Variants in UVSSA observed in about 807,000 individuals in gnomAD.
UVSSA encodes UV stimulated scaffold protein A.
UVSSA carries 72 observed loss-of-function variants against 73.9 expected under a neutral mutation model. The observed-to-expected ratio is 0.97, with a 90% CI of 0.81 to 1.19. The LOEUF (loss-of-function observed/expected upper bound fraction) is 1.19, where lower values mean the gene tolerates loss of function less well. Among genes scored for constraint, UVSSA ranks in the 50% most tolerant of loss-of-function variants. The probability of loss-of-function intolerance (pLI) is 0.00; values close to 1 mark genes in which losing one functional copy is unlikely to be tolerated. For synonymous variants in UVSSA, 454 were observed against 391.3 expected (o/e 1.16, Z -1.89); for missense variants, 1,150 against 965.0 (o/e 1.19, Z -2.54).
At chr4:1,365,916 C>T (rs930847454) in intron 7 of UVSSA, among the ~76,000 whole-genome samples, 10 of 152,156 alleles carry the variant, frequency 6.6e-5, no homozygotes, top group African/African-American at 2.2e-4. Flanking sequence ...AGATAACTGC[C>T]CTAAGCCTCG....
In UVSSA at chr4:1,387,860, C is replaced by G. The variant is rs1435216896; in HGVS notation, c.*1899C>G. The G allele has an allele frequency of 6.6e-6, 1 of 151,420 alleles. No individual in the cohort carries two copies. Among genetic ancestry groups the G allele is most frequent in the Non-Finnish European group, 1.5e-5 (1 of 67,926 alleles). 9.4% of individuals were successfully genotyped at this position (151,420 alleles called of 1,614,324 possible). A position where few individuals can be genotyped will look rare whatever the true frequency, so the allele number is the denominator to read the frequency against. On this transcript the variant is annotated 3_prime_UTR_variant, in exon 14 of 14. Transcript: ENST00000389851. ...TGCTGCTTTGTTGTGAGAAGTTTTA[C>G]TTTGTTCTGCTTCAAGGCTGTTTTG... is the stretch of plus-strand genomic sequence containing the variant.
rs544725146 is a variant in UVSSA, at chr4:1,384,083, C to G, written c.2036+143C>G. 97 of 1,111,466 alleles carry G rather than the reference C, an allele frequency of 8.7e-5. No homozygotes were observed. The South Asian group carries it at 1.6e-3, about 18-fold the overall frequency. 68.9% of individuals were successfully genotyped at this position (1,111,466 alleles called of 1,614,324 possible). ...GCTTTGAGTTCCCCTGGGGGACCACCCAGCCTTTCCCCGGGGAGGGGCAGT... is the reference window on the plus strand; with the variant it reads ...GCTTTGAGTTCCCCTGGGGGACCACGCAGCCTTTCCCCGGGGAGGGGCAGT... On this transcript the variant is annotated intron_variant, in intron 13 of 13. Transcript: ENST00000389851.
upstream of UVSSA, among the ~76,000 whole-genome samples, chr4:1,346,607 C>A (rs1459074463): frequency 6.6e-6 from 1 of 152,142 alleles, no homozygotes; most frequent in African/African-American, 2.4e-5. Context: ...CCAGGGATTC[C>A]CTTCCCGAGG....
At chr4:1,390,467 A>G (rs895588485), downstream of UVSSA, 2 of 152,170 alleles carry the variant, frequency 1.3e-5, no homozygotes, top group African/African-American at 4.8e-5. Context: ...ATTTTGTTGT[A>G]GAGACAGGGT....
At chr4:1,370,169 G>C (rs893746452) in intron 8 of UVSSA, among the ~76,000 whole-genome samples, 1 of 151,982 alleles carries the variant, frequency 6.6e-6, no homozygotes, top group Admixed American at 6.5e-5. Flanking sequence ...TAACTCTTAG[G>C]AATTCTCAGA....
intron 5 of UVSSA, chr4:1,354,443 G>T: frequency 2.2e-6 from 1 of 445,210 alleles, no homozygotes; most frequent in Non-Finnish European, 4.2e-6. Context: ...AGTAGAAGAG[G>T]CTGTGGGTGG....
At chr4:1,373,236 T>C (rs1718355309) in intron 8 of UVSSA, among the ~76,000 whole-genome samples, 1 of 152,206 alleles carries the variant, frequency 6.6e-6, no homozygotes, top group Admixed American at 6.5e-5. Flanking sequence ...AGAGGCCATC[T>C]CTAGGCTGAG....
rs536749926 is a variant in UVSSA at position 1,380,197 on chromosome 4, C to T, written c.1719C>T (p.Asp573=). 7.4e-6 allele frequency: 12 copies of T among 1,612,640 alleles called. No homozygotes were observed. The South Asian group carries it at 9.9e-5, about 13-fold the overall frequency. The part of the protein sequence containing the change: ...VQHWCRAPRP[D]GRLCERQDRL... ...ACTGGTGCCGTGCCCCGAGGCCAGA[C>T]GGCCGGCTCTGTGAGCGCCAAGACC... is the stretch of plus-strand genomic sequence containing the variant. Residue 573 remains aspartate (D), a synonymous_variant, in exon 11 of 14, where the codon GAC becomes GAT. Coordinates refer to ENST00000389851, the MANE Select transcript of UVSSA (RefSeq NM_020894.4).
intron 7 of UVSSA, chr4:1,359,418 C>T (rs1358901245): frequency 1.3e-5 from 2 of 152,240 alleles, no homozygotes; most frequent in Non-Finnish European, 2.9e-5. Context: ...CCTCTGGAAA[C>T]TTTCACGTTG....
chr4:1,395,670 C>G, exon 14 of UVSSA: 1 of 1,591,602 alleles, frequency 6.3e-7, no homozygotes, highest in Non-Finnish European at 8.5e-7. Context: ...TGCCTGCTCA[C>G]ACACGTGCCC....
At chr4:1,371,995 T>G (rs537225653) in intron 8 of UVSSA, among the ~76,000 whole-genome samples, 2 of 152,326 alleles carry the variant, frequency 1.3e-5, no homozygotes, top group South Asian at 4.1e-4. Context: ...TCAGCATGGC[T>G]TCTTATGTTT....
chr4:1,378,240 C>T (rs1370645021), intron 10 of UVSSA, among the ~76,000 whole-genome samples: 3 of 152,166 alleles, frequency 2.0e-5, no homozygotes, highest in African/African-American at 7.2e-5. Flanking sequence ...AGAACAAAGC[C>T]GTCCTGGTAC....
At chr4:1,353,946 G>GC (rs955605123) in intron 5 of UVSSA, among the ~76,000 whole-genome samples, 18 of 152,166 alleles carry the variant, frequency 1.2e-4, no homozygotes, top group Non-Finnish European at 1.9e-4. Context: ...AGCCGCCCCC[G>GC]CCCCCCAGCC....
chr4:1,355,070 G>A (rs781612106), intron 6 of UVSSA, 47 bp from the exon 7 acceptor site: 2 of 1,602,778 alleles, frequency 1.2e-6, no homozygotes, highest in Non-Finnish European at 1.7e-6. Flanking sequence ...CAGCTTCCCA[G>A]GTCCTGCCCG....
rs138539017 is a variant in UVSSA, at chr4:1,352,702, G to A, written c.551-328G>A. On this transcript the variant is annotated intron_variant, in intron 4 of 13. Transcript: ENST00000389851. ...CGCGGTGACTCATGCCTGTCATCCC[G>A]GCACTTTGGGAGGCCAGGGCAGGCG... 9.8e-5 allele frequency among the ~76,000 whole-genome samples: 15 copies of A among 152,372 alleles called. No individual in the cohort carries two copies. The East Asian group carries it at 2.5e-3, about 25-fold the overall frequency.
At chr4:1,354,418 C>T (rs769131312) in intron 5 of UVSSA, 19 of 367,670 alleles carry the variant, frequency 5.2e-5, no homozygotes, top group Non-Finnish European at 8.3e-5. Flanking sequence ...CTGTGCCCGG[C>T]GTGTGGGGGC....
exon 14 of UVSSA, chr4:1,395,789 C>CT: frequency 1.2e-6 from 2 of 1,614,194 alleles, no homozygotes; most frequent in Non-Finnish European, 1.7e-6. Flanking sequence ...CTCATGGTGG[C>CT]TTTTTAATAC....
At chr4:1,374,621 C>T (rs997974332) in intron 8 of UVSSA, among the ~76,000 whole-genome samples, 4 of 152,148 alleles carry the variant, frequency 2.6e-5, no homozygotes, top group African/African-American at 4.8e-5. Flanking sequence ...GGCGGCGGGG[C>T]GGACCCTCTT....
Position 1,348,169 on chromosome 4 carries a change from G to A in UVSSA, c.78G>A (p.Lys26=). The part of the protein sequence containing the change: ...GEPRLNPEKM[K]ELKKICKSSE... ...CCCGACTAAATCCTGAGAAAATGAA[G>A]GAACTGAAGAAAATTTGCAAGTATG... Residue 26 remains lysine (K), a synonymous_variant, in exon 2 of 14, where the codon AAG becomes AAA. Transcript: ENST00000389851. 2.5e-6 allele frequency: 4 copies of A among 1,613,806 alleles called. No homozygotes were observed. Among genetic ancestry groups the A allele is most frequent in the Non-Finnish European group, 2.5e-6 (3 of 1,179,938 alleles).
Sources: gnomAD v4.1 joint callset for allele counts (sites outside exome capture counted in the v4.1 genomes callset) on GRCh38, gnomAD v4.1.1 for gene constraint, MANE v1.5 for transcripts, NCBI Gene and HGNC (gene_info 2026-07-23, HGNC 2026-07-21) for gene names.